GNAT3: variants seen among roughly 807,000 people sequenced by gnomAD.
GNAT3 encodes guanine nucleotide-binding protein G(t) subunit alpha-3.
GNAT3 carries 31 observed loss-of-function variants against 37.7 expected under a neutral mutation model. The observed-to-expected ratio is 0.82, with a 90% CI of 0.62 to 1.11. GNAT3 has a LOEUF of 1.11. Among genes scored for constraint, GNAT3 ranks in the 50% most tolerant of loss-of-function variants. The probability of loss-of-function intolerance (pLI) is 0.00; values close to 1 mark genes in which losing one functional copy is unlikely to be tolerated. For synonymous variants in GNAT3, 138 were observed against 139.8 expected (o/e 0.99, Z 0.09); for missense variants, 437 against 412.5 (o/e 1.06, Z -0.51).
chr7:80,488,471 T>A (rs1007438458), intron 3 of GNAT3, 64 bp downstream of exon 3: 5 of 1,331,104 alleles, frequency 3.8e-6, no homozygotes, highest in Admixed American at 2.0e-5. Flanking sequence ...ACTTATTAAG[T>A]CCTCTTATTT....
At chr7:80,460,011 C>A (rs1790022955) in intron 7 of GNAT3, among the ~76,000 whole-genome samples, 1 of 152,184 alleles carries the variant, frequency 6.6e-6, no homozygotes, top group Admixed American at 6.5e-5. Flanking sequence ...TATGTCTACA[C>A]AGAAGCTTGC....
At chr7:80,463,504 A>G (rs1484317862) in intron 5 of GNAT3, among the ~76,000 whole-genome samples, 1 of 152,004 alleles carries the variant, frequency 6.6e-6, no homozygotes, top group Non-Finnish European at 1.5e-5. Flanking sequence ...TTTCTCAACT[A>G]TGAAGTCTTA....
chr7:80,505,857 T>C (rs993545264), intron 1 of GNAT3, among the ~76,000 whole-genome samples: 6 of 152,202 alleles, frequency 3.9e-5, no homozygotes, highest in African/African-American at 1.4e-4. Context: ...AATCCTACTT[T>C]AGGTTCAAAT....
At chr7:80,466,063 T>C (rs1282137794) in intron 5 of GNAT3, among the ~76,000 whole-genome samples, 2 of 151,984 alleles carry the variant, frequency 1.3e-5, no homozygotes, top group African/African-American at 4.8e-5. Context: ...ATAGTCCTAA[T>C]CTCTTTCACT....
intron 7 of GNAT3, among the ~76,000 whole-genome samples, chr7:80,460,269 G>C: frequency 6.6e-6 from 1 of 152,144 alleles, no homozygotes; most frequent in East Asian, 1.9e-4. Context: ...TCTGGAAAAG[G>C]CAAAAGGATA....
chr7:80,460,707 C>T (rs888089601), intron 7 of GNAT3, among the ~76,000 whole-genome samples: 10 of 151,512 alleles, frequency 6.6e-5, no homozygotes, highest in African/African-American at 2.2e-4. Context: ...GAGATCGTGC[C>T]ACTGCACTCC....
At chr7:80,466,148 G>A (rs1468737131) in intron 5 of GNAT3, among the ~76,000 whole-genome samples, 1 of 152,076 alleles carries the variant, frequency 6.6e-6, no homozygotes, top group Non-Finnish European at 1.5e-5. Context: ...ATGGAGCCAA[G>A]ACAAAGAGTA....
At chr7:80,509,698 G>A (rs1470368684) in intron 1 of GNAT3, among the ~76,000 whole-genome samples, 3 of 151,978 alleles carry the variant, frequency 2.0e-5, no homozygotes, top group Admixed American at 6.6e-5. Flanking sequence ...AACCCTGTAT[G>A]TATCAGTAGT....
At chr7:80,500,854 C>T (rs1165690728) in intron 1 of GNAT3, among the ~76,000 whole-genome samples, 2 of 151,982 alleles carry the variant, frequency 1.3e-5, no homozygotes, top group Non-Finnish European at 1.5e-5. Context: ...GTATTTTAAA[C>T]ATGCATTGTT....
chr7:80,501,215 T>G (rs10216027), intron 1 of GNAT3, among the ~76,000 whole-genome samples: 1 of 151,950 alleles, frequency 6.6e-6, no homozygotes, highest in African/African-American at 2.4e-5. Context: ...TGATAATTAA[T>G]TTAAAAACTT....
intron 1 of GNAT3, among the ~76,000 whole-genome samples, chr7:80,502,627 G>T (rs1790855789): frequency 1.3e-5 from 2 of 151,930 alleles, no homozygotes; most frequent in Non-Finnish European, 2.9e-5. Flanking sequence ...AATTTATCAA[G>T]CATGTAGTTC....
At chr7:80,464,036 A>G (rs953505191) in intron 5 of GNAT3, among the ~76,000 whole-genome samples, 3 of 151,746 alleles carry the variant, frequency 2.0e-5, no homozygotes, top group Admixed American at 2.0e-4. Flanking sequence ...AGCACTTATT[A>G]TATGCCAGGC....
rs1054123151 is a variant in GNAT3 at position 80,458,770 on chromosome 7, G to T, written c.966C>A (p.His322Gln). The T allele has an allele frequency of 6.3e-7, 1 of 1,598,280 alleles. No homozygotes were observed. Among genetic ancestry groups the T allele is most frequent in the South Asian group, 1.1e-5 (1 of 88,408 alleles). The change falls in exon 8 of 8, where the codon CAC (histidine) becomes CAA (glutamine). Residue 322 changes from histidine to glutamine, a missense_variant. Coordinates refer to ENST00000398291, the MANE Select transcript of GNAT3 (RefSeq NM_001102386.3). ...TTTGGGTGTCAGTAGCACAGGTCAT[G>T]TGGGAATAAATTTCCTTATCTTCTT... Reference protein sequence around the residue: ...LKKEDKEIYSHMTCATDTQNV... With the variant: ...LKKEDKEIYSQMTCATDTQNV...
At position 80,482,013 on chromosome 7, in the gene GNAT3, A is replaced by G. The variant is rs556511517; in HGVS notation, c.304-3015T>C. ...ATATCTGCCTGTAACTTTAATCCCC[A>G]TAGAATGTATAAAATCAGGCAATAA... is the stretch of plus-strand genomic sequence containing the variant. On this transcript the variant is annotated intron_variant, in intron 3 of 7. Transcript: ENST00000398291. Among the ~76,000 whole-genome samples the G allele has an allele frequency of 1.6e-4, 24 of 152,260 alleles. No individual in the cohort carries two copies. In the South Asian group the frequency reaches 4.8e-3, roughly 30 times the overall value.
chr7:80,464,321 A>C (rs1790099216), intron 5 of GNAT3, among the ~76,000 whole-genome samples: 2 of 152,032 alleles, frequency 1.3e-5, no homozygotes. Flanking sequence ...TAAGGAGATG[A>C]GGGGTTGAGC....
At chr7:80,477,912 T>C (rs1182592548) in intron 4 of GNAT3, among the ~76,000 whole-genome samples, 1 of 152,172 alleles carries the variant, frequency 6.6e-6, no homozygotes, top group East Asian at 1.9e-4. Flanking sequence ...AAATAATTGT[T>C]TTTTGGGGTT....
intron 1 of GNAT3, among the ~76,000 whole-genome samples, chr7:80,505,532 A>G (rs1288653534): frequency 6.6e-6 from 1 of 152,012 alleles, no homozygotes; most frequent in East Asian, 1.9e-4. Flanking sequence ...ACGCCCGGCT[A>G]ACTTTTTATA....
chr7:80,510,663 G>T (rs1562738296), intron 1 of GNAT3, among the ~76,000 whole-genome samples: 3 of 152,132 alleles, frequency 2.0e-5, no homozygotes, highest in Non-Finnish European at 4.4e-5. Context: ...ACTGACAAGT[G>T]CTGTGGGCCT....
rs537272539 is a variant in GNAT3, at chr7:80,468,881, G to A, written c.590+5370C>T. Among the ~76,000 whole-genome samples, 7 of 152,040 alleles carry A rather than the reference G, an allele frequency of 4.6e-5. 1 individual carries two copies. The highest frequency in any genetic ancestry group is 4.2e-4 in the South Asian group (2 of 4,814). On this transcript the variant is annotated intron_variant, in intron 5 of 7. Coordinates refer to ENST00000398291, the MANE Select transcript of GNAT3 (RefSeq NM_001102386.3). The stretch of plus-strand genomic sequence containing the variant: ...TCAAATGCCCACTAGATAATTCTCC[G>A]ATTATTTAATAATGTAATTCATAAA...
Sources: gnomAD v4.1 joint callset for allele counts (sites outside exome capture counted in the v4.1 genomes callset) on GRCh38, gnomAD v4.1.1 for gene constraint, MANE v1.5 for transcripts, NCBI Gene and HGNC (gene_info 2026-07-23, HGNC 2026-07-21) for gene names.